TOGARAM1: variants seen among roughly 807,000 people sequenced by gnomAD.
TOGARAM1 encodes TOG array regulator of axonemal microtubules protein 1.
In TOGARAM1, 100 loss-of-function variants were observed where a neutral mutation model predicts 166.6. The observed-to-expected ratio is 0.60, with a 90% CI of 0.51 to 0.71. The LOEUF (loss-of-function observed/expected upper bound fraction) is 0.71. TOGARAM1 is among the 30% of genes least tolerant of loss of function. The pLI is 0.00. For synonymous variants in TOGARAM1, 758 were observed against 763.8 expected (o/e 0.99, Z 0.13); for missense variants, 2,029 against 2,102.7 (o/e 0.96, Z 0.69).
chr14:44,963,314 G>A lies in TOGARAM1; in HGVS notation c.893G>A (p.Arg298His). The change falls in exon 1 of 20, where the codon CGT becomes CAT. Residue 298 changes from arginine to histidine, a missense_variant. Physicochemically the swap from Arg to His is conservative, Grantham distance 29 (BLOSUM62 0). This residue lies in a region of TOGARAM1 where 1,453 missense variants were observed against 1,432.2 expected (regional missense o/e 1.01). Transcript: ENST00000361462. ...GQDRFQSYIS[R>H]LPSALRRHYN... ...GACAGGTTTCAATCTTACATTTCTCGTCTGCCCTCTGCCCTGAGGAGACAC... is the reference window on the plus strand; with the variant it reads ...GACAGGTTTCAATCTTACATTTCTCATCTGCCCTCTGCCCTGAGGAGACAC... The A allele has an allele frequency of 1.9e-6, 3 of 1,614,130 alleles. No homozygotes were observed. The highest frequency in any genetic ancestry group is 1.7e-5 in the Admixed American group (1 of 60,018).
intron 14 of TOGARAM1, among the ~76,000 whole-genome samples, chr14:45,048,750 G>A (rs957067727): frequency 6.6e-6 from 1 of 152,108 alleles, no homozygotes; most frequent in East Asian, 1.9e-4. Context: ...TTGGAGGCGG[G>A]TGGATCACCT....
intron 16 of TOGARAM1, among the ~76,000 whole-genome samples, chr14:45,065,579 T>C (rs1566675847): frequency 6.6e-6 from 1 of 152,200 alleles, no homozygotes; most frequent in Non-Finnish European, 1.5e-5. Flanking sequence ...CGAAAAATAT[T>C]ATGCTATGAA....
At chr14:45,059,806 A>G (rs929437215) in intron 16 of TOGARAM1, among the ~76,000 whole-genome samples, 7 of 152,246 alleles carry the variant, frequency 4.6e-5, no homozygotes, top group Non-Finnish European at 7.3e-5. Flanking sequence ...GTAATGACAT[A>G]AAAAATAAAG....
intron 1 of TOGARAM1, among the ~76,000 whole-genome samples, chr14:44,967,751 A>C (rs1348329207): frequency 5.9e-5 from 9 of 152,224 alleles, no homozygotes; most frequent in Admixed American, 5.9e-4. Flanking sequence ...TATCTTGCAA[A>C]TAATGAGTTT....
intron 1 of TOGARAM1, among the ~76,000 whole-genome samples, chr14:44,981,897 G>T (rs1437573803): frequency 7.0e-6 from 1 of 143,208 alleles, no homozygotes; most frequent in South Asian, 2.2e-4. Flanking sequence ...AGGCTGGAGT[G>T]CAGTGGCGCC....
intron 16 of TOGARAM1, among the ~76,000 whole-genome samples, chr14:45,066,149 G>A (rs958042463): frequency 6.6e-6 from 1 of 152,116 alleles, no homozygotes; most frequent in African/African-American, 2.4e-5. Context: ...CTAGACATGA[G>A]GCCTCTAATA....
intron 1 of TOGARAM1, among the ~76,000 whole-genome samples, chr14:44,976,529 G>A (rs535119057): frequency 6.6e-6 from 1 of 152,288 alleles, no homozygotes; most frequent in South Asian, 2.1e-4. Context: ...TTAGTATCCA[G>A]TATCTTTAGC....
At position 45,004,375 on chromosome 14, in the gene TOGARAM1, C is replaced by A; in HGVS notation, c.2644+9C>A. On this transcript the variant is annotated intron_variant, in intron 4 of 19. Coordinates refer to ENST00000361462, the MANE Select transcript of TOGARAM1 (RefSeq NM_001308120.2). ...TACGGGTAGAAATCATGGTAAAAGT[C>A]AATACTTTGTTCAAATTTATTTGTG... is the stretch of plus-strand genomic sequence containing the variant. 1 of 1,606,958 alleles carries A rather than the reference C, an allele frequency of 6.2e-7. No individual in the cohort carries two copies. Among genetic ancestry groups the A allele is most frequent in the South Asian group, 1.1e-5 (1 of 90,158 alleles).
intron 2 of TOGARAM1, among the ~76,000 whole-genome samples, chr14:44,997,648 C>T (rs555270442): frequency 1.4e-4 from 21 of 151,996 alleles, no homozygotes; most frequent in African/African-American, 5.1e-4. Context: ...AAAAGGAGAG[C>T]ATAGGAAGAA....
At chr14:45,037,150 A>G (rs1354686250) in intron 11 of TOGARAM1, among the ~76,000 whole-genome samples, 1 of 152,172 alleles carries the variant, frequency 6.6e-6, no homozygotes, top group Non-Finnish European at 1.5e-5. Context: ...GGACCCTCTC[A>G]TCTTCTAGAG....
At chr14:45,050,545 G>A (rs1270042061) in intron 14 of TOGARAM1, among the ~76,000 whole-genome samples, 3 of 151,798 alleles carry the variant, frequency 2.0e-5, no homozygotes, top group East Asian at 1.9e-4. Flanking sequence ...GAGCCACTGC[G>A]CCTGGTCAAG....
At chr14:45,054,222 A>C (rs1169901487) in intron 15 of TOGARAM1, among the ~76,000 whole-genome samples, 2 of 152,170 alleles carry the variant, frequency 1.3e-5, no homozygotes, top group Non-Finnish European at 2.9e-5. Flanking sequence ...ACAAGTCAAT[A>C]TATATTTTCC....
intron 11 of TOGARAM1, 69 bp from the exon 12 acceptor site, chr14:45,043,617 A>T: frequency 1.1e-6 from 1 of 883,194 alleles, no homozygotes; most frequent in South Asian, 1.4e-5. Flanking sequence ...ACAGAAAATA[A>T]GACATTTGTG....
rs750846481 is a variant in TOGARAM1, at chr14:45,004,106, G to C, written c.2384G>C (p.Gly795Ala). ...GGCAGTAAGACACAGCAAACATTTGGTAGTCAAACAGAGTGTACTTCCTCA... is the reference window on the plus strand; with the variant it reads ...GGCAGTAAGACACAGCAAACATTTGCTAGTCAAACAGAGTGTACTTCCTCA... ...NFGSKTQQTF[G>A]SQTECTSSNG... Residue 795 changes from glycine to alanine, a missense_variant, in exon 4 of 20, where the codon GGT becomes GCT. This residue lies in a region of TOGARAM1 where 1,453 missense variants were observed against 1,432.2 expected (regional missense o/e 1.01). Transcript: ENST00000361462. 6.2e-7 allele frequency: 1 copy of C among 1,614,016 alleles called. No homozygotes were observed. Among genetic ancestry groups the C allele is most frequent in the East Asian group, 2.2e-5 (1 of 44,856 alleles).
chr14:45,072,828 C>T (rs73334919), intron 19 of TOGARAM1, among the ~76,000 whole-genome samples: 9,090 of 151,674 alleles, frequency 0.06, 685 homozygotes, highest in African/African-American at 0.18. Flanking sequence ...ATTAGTAAAA[C>T]GTGAATACAA....
chr14:45,045,144 C>A lies in TOGARAM1; in HGVS notation c.4154+274C>A, dbSNP rs115791545. Among the ~76,000 whole-genome samples, 1,010 of 151,972 alleles carry A rather than the reference C, an allele frequency of 6.6e-3. 10 individuals carry two copies. Among genetic ancestry groups the A allele is most frequent in the African/African-American group, 0.023 (956 of 41,450 alleles). ...CATCTAGGCAATTTGGCTTTAGGAGCCTTACAATTATTATTTTTTTATTAA... is the reference window on the plus strand; with the variant it reads ...CATCTAGGCAATTTGGCTTTAGGAGACTTACAATTATTATTTTTTTATTAA... On this transcript the variant is annotated intron_variant, in intron 13 of 19. Coordinates refer to ENST00000361462, the MANE Select transcript of TOGARAM1 (RefSeq NM_001308120.2).
chr14:44,993,666 G>A (rs759349319), intron 1 of TOGARAM1, among the ~76,000 whole-genome samples: 8 of 152,112 alleles, frequency 5.3e-5, no homozygotes, highest in Non-Finnish European at 1.0e-4. Flanking sequence ...GACCTAAAGA[G>A]GACTTTCATG....
intron 1 of TOGARAM1, among the ~76,000 whole-genome samples, chr14:44,984,839 G>T (rs1003253945): frequency 1.2e-4 from 18 of 151,810 alleles, no homozygotes; most frequent in Admixed American, 6.6e-5. Context: ...AGCTATACCA[G>T]TTCCCTTAAT....
chr14:44,962,748 T>G lies in TOGARAM1; in HGVS notation c.327T>G (p.Pro109=). 2 of 1,613,570 alleles carry G rather than the reference T, an allele frequency of 1.2e-6. No homozygotes were observed. Among genetic ancestry groups the G allele is most frequent in the Non-Finnish European group, 1.7e-6 (2 of 1,180,012 alleles). Residue 109 remains proline (P), a synonymous_variant, in exon 1 of 20, where the codon CCT becomes CCG. Transcript: ENST00000361462. ...AACTCCTCCGCACTGCCCGGGATCCTTCTGAGGCCTTCCAGGCTTTGCAAG... is the reference window on the plus strand; with the variant it reads ...AACTCCTCCGCACTGCCCGGGATCCGTCTGAGGCCTTCCAGGCTTTGCAAG... ...LLQLLRTARD[P]SEAFQALQAA...
Sources: gnomAD v4.1 joint callset for allele counts (sites outside exome capture counted in the v4.1 genomes callset) on GRCh38, gnomAD v4.1.1 for gene constraint, gnomAD v4.1.1 regional missense constraint, MANE v1.5 for transcripts, NCBI Gene and HGNC (gene_info 2026-07-23, HGNC 2026-07-21) for gene names.